SGCZ: variants seen among roughly 807,000 people sequenced by gnomAD.
The protein encoded by SGCZ is sarcoglycan zeta, also known as zeta-sarcoglycan.
A neutral mutation model predicts 41.3 loss-of-function variants in SGCZ; 40 were observed. That is an observed-to-expected ratio of 0.97 (90% CI 0.75 to 1.26). The LOEUF (loss-of-function observed/expected upper bound fraction) is 1.26. SGCZ is among the 50% of genes most tolerant of loss of function. The pLI, the probability that SGCZ is intolerant of heterozygous loss-of-function variation, is 0.00. For synonymous variants in SGCZ, 206 were observed against 137.5 expected (o/e 1.50, Z -3.49); for missense variants, 552 against 369.8 (o/e 1.49, Z -4.04).
intron 5 of SGCZ, among the ~76,000 whole-genome samples, chr8:14,157,606 C>A (rs1255485625): frequency 1.3e-5 from 2 of 149,732 alleles, no homozygotes; most frequent in African/African-American, 4.9e-5. Flanking sequence ...AAAAAAAAAA[C>A]ATGGTCAGTA....
chr8:14,556,073 C>G (rs1401749422), intron 1 of SGCZ, among the ~76,000 whole-genome samples: 1 of 151,772 alleles, frequency 6.6e-6, no homozygotes, highest in Non-Finnish European at 1.5e-5. Context: ...GCATTTTTTA[C>G]TGTCTTATAC....
At chr8:14,750,284 T>C (rs538960946) in intron 1 of SGCZ, among the ~76,000 whole-genome samples, 17 of 152,072 alleles carry the variant, frequency 1.1e-4, no homozygotes, top group Admixed American at 5.2e-4. Flanking sequence ...TAGTTTTTAA[T>C]GTTGGGATGG....
chr8:14,491,943 T>C (rs1361229310), intron 2 of SGCZ, among the ~76,000 whole-genome samples: 2 of 148,654 alleles, frequency 1.3e-5, no homozygotes, highest in Non-Finnish European at 3.0e-5. Flanking sequence ...AGCCATTAGT[T>C]ACTCAGAAAT....
At chr8:14,842,162 G>C (rs533588429) in intron 1 of SGCZ, among the ~76,000 whole-genome samples, 5 of 152,046 alleles carry the variant, frequency 3.3e-5, no homozygotes, top group African/African-American at 1.2e-4. Context: ...CTGCACATCA[G>C]GATAAATCTT....
chr8:15,094,278 G>A (rs1300494879), intron 1 of SGCZ, among the ~76,000 whole-genome samples: 3 of 152,052 alleles, frequency 2.0e-5, no homozygotes, highest in African/African-American at 4.8e-5. Flanking sequence ...GAGATTACAG[G>A]CGTGCACCAC....
chr8:14,848,316 A>G (rs1044229282), intron 1 of SGCZ, among the ~76,000 whole-genome samples: 27 of 152,180 alleles, frequency 1.8e-4, no homozygotes, highest in African/African-American at 5.8e-4. Context: ...TTCAATGTCA[A>G]TCAGTCATTT....
intron 1 of SGCZ, among the ~76,000 whole-genome samples, chr8:14,953,589 G>A (rs1391754214): frequency 2.6e-5 from 4 of 152,144 alleles, no homozygotes; most frequent in African/African-American, 7.2e-5. Context: ...AATAACAGAG[G>A]TTAAGGACCC....
rs551592158 is a variant in SGCZ, at chr8:14,700,086, C to T, written c.40-145160G>A. ...ACTTAAAAGAGAACTACCATTCTAT[C>T]CAACAATCCCATTAAGGGCATATAC... is the stretch of plus-strand genomic sequence containing the variant. On this transcript the variant is annotated intron_variant, in intron 1 of 7. Transcript: ENST00000382080. Among the ~76,000 whole-genome samples, 11 of 152,092 alleles carry T rather than the reference C, an allele frequency of 7.2e-5. No homozygotes were observed. In the South Asian group the frequency reaches 2.3e-3, roughly 32 times the overall value.
At chr8:14,182,774 C>G (rs972931004) in intron 4 of SGCZ, among the ~76,000 whole-genome samples, 1 of 151,824 alleles carries the variant, frequency 6.6e-6, no homozygotes, top group Admixed American at 6.6e-5. Flanking sequence ...TTTGGGAGGC[C>G]GAGAGGGGGC....
intron 1 of SGCZ, among the ~76,000 whole-genome samples, chr8:14,651,541 T>C (rs888526113): frequency 3.9e-5 from 6 of 152,108 alleles, no homozygotes; most frequent in African/African-American, 1.4e-4. Flanking sequence ...CCATTACCTC[T>C]CTTTTGTGTT....
At chr8:14,795,298 A>G (rs1437963374) in intron 1 of SGCZ, among the ~76,000 whole-genome samples, 2 of 152,200 alleles carry the variant, frequency 1.3e-5, no homozygotes, top group African/African-American at 2.4e-5. Flanking sequence ...ACATAGAAGA[A>G]AATGGTTGTA....
chr8:14,585,587 T>C (rs1482425770), intron 1 of SGCZ, among the ~76,000 whole-genome samples: 1 of 152,114 alleles, frequency 6.6e-6, no homozygotes, highest in Admixed American at 6.6e-5. Context: ...TTAGTGTCTT[T>C]TAAAGTTTTA....
At chr8:14,437,591 T>A (rs1800129770) in intron 2 of SGCZ, among the ~76,000 whole-genome samples, 1 of 152,000 alleles carries the variant, frequency 6.6e-6, no homozygotes, top group Non-Finnish European at 1.5e-5. Context: ...CAAAGAAAAA[T>A]TTTCTGTTTT....
intron 2 of SGCZ, among the ~76,000 whole-genome samples, chr8:14,519,027 C>G (rs546208451): frequency 2.1e-4 from 31 of 149,736 alleles, no homozygotes; most frequent in African/African-American, 7.7e-4. Context: ...CAAGATCGCA[C>G]CACTGCACTC....
intron 4 of SGCZ, among the ~76,000 whole-genome samples, chr8:14,235,226 T>A (rs774413750): frequency 3.3e-5 from 5 of 152,208 alleles, no homozygotes; most frequent in Non-Finnish European, 7.3e-5. Context: ...CATTATCTCC[T>A]TTCACACAGC....
At chr8:14,802,612 G>A (rs1415709336) in intron 1 of SGCZ, among the ~76,000 whole-genome samples, 2 of 152,060 alleles carry the variant, frequency 1.3e-5, no homozygotes, top group Non-Finnish European at 2.9e-5. Context: ...CAGAGAGAGA[G>A]AGACAGAGAG....
rs1393835294 is a variant in SGCZ, at chr8:14,566,730, G to C, written c.40-11804C>G. Among the ~76,000 whole-genome samples the C allele has an allele frequency of 2.0e-5, 3 of 152,374 alleles. No homozygotes were observed. The East Asian group carries it at 5.8e-4, about 29-fold the overall frequency. ...TGGCGCCCACTCTGGCCGTACTTGA[G>C]GAGCCCTTCAGCCCGCCGCTGCACT... is the stretch of plus-strand genomic sequence containing the variant. On this transcript the variant is annotated intron_variant, in intron 1 of 7. Transcript: ENST00000382080.
At chr8:14,910,697 A>G (rs938563080) in intron 1 of SGCZ, among the ~76,000 whole-genome samples, 1 of 151,914 alleles carries the variant, frequency 6.6e-6, no homozygotes, top group Non-Finnish European at 1.5e-5. Flanking sequence ...CTTTTAAAGC[A>G]CTTTGCCCAA....
intron 1 of SGCZ, among the ~76,000 whole-genome samples, chr8:15,216,164 C>T (rs1801392663): frequency 1.3e-5 from 2 of 151,294 alleles, no homozygotes; most frequent in African/African-American, 4.9e-5. Flanking sequence ...AGCAAAGGCA[C>T]TTCTCATTTC....
Sources: gnomAD v4.1 joint callset for allele counts (sites outside exome capture counted in the v4.1 genomes callset) on GRCh38, gnomAD v4.1.1 for gene constraint, MANE v1.5 for transcripts, NCBI Gene and HGNC (gene_info 2026-07-23, HGNC 2026-07-21) for gene names.